The following OSBP2 variants were observed in gnomAD, a reference collection of about 807,000 sequenced individuals.
OSBP2 encodes oxysterol-binding protein 2.
In OSBP2, 66 loss-of-function variants were observed where a neutral mutation model predicts 96.0. The ratio of observed to expected loss-of-function variants is 0.69; its 90% CI spans 0.56 to 0.84. The LOEUF is 0.84. Ranked by LOEUF, OSBP2 falls within the 40% of genes least tolerant of loss-of-function variation. The pLI is 0.00. For synonymous variants in OSBP2, 525 were observed against 520.9 expected (o/e 1.01, Z -0.11); for missense variants, 1,038 against 1,222.7 (o/e 0.85, Z 2.25).
rs1474230257 is a variant in OSBP2 at position 30,694,951 on chromosome 22, CGGCCGCTCCCGCG to C, written c.46_58del (p.Arg16SerfsTer20). 1 of 1,477,294 alleles carries C rather than the reference CGGCCGCTCCCGCG, an allele frequency of 6.8e-7. No homozygotes were observed. Among genetic ancestry groups the C allele is most frequent in the Non-Finnish European group, 8.9e-7 (1 of 1,122,354 alleles). The allele number at this position is 1,477,294 out of a possible 1,614,324, so 91.5% of individuals were successfully genotyped here. A position where few individuals can be genotyped will look rare whatever the true frequency, so the allele number is the denominator to read the frequency against. On this transcript the variant is annotated frameshift_variant, in exon 1 of 14. Coordinates refer to ENST00000332585, the MANE Select transcript of OSBP2 (RefSeq NM_030758.4). LOFTEE classifies it high-confidence loss of function. ...CTCCGAGCCGAGGCGGCGGCTGTGG[CGGCCGCTCCCGCG>C]GGCTCTCGTCGCTGTTCACGGTTGT... is the stretch of plus-strand genomic sequence containing the variant.
chr22:30,896,603 T>C (rs1180226082), intron 12 of OSBP2, among the ~76,000 whole-genome samples: 1 of 149,990 alleles, frequency 6.7e-6, no homozygotes, highest in Non-Finnish European at 1.5e-5. Flanking sequence ...TAAATATAAA[T>C]AGATGAAGCT....
chr22:30,756,897 G>A (rs181256688), intron 2 of OSBP2, among the ~76,000 whole-genome samples: 163 of 152,128 alleles, frequency 1.1e-3, no homozygotes, highest in African/African-American at 3.8e-3. Context: ...CTGAGCACAC[G>A]TACACATGCT....
intron 12 of OSBP2, among the ~76,000 whole-genome samples, chr22:30,904,086 C>T (rs1329415237): frequency 6.6e-6 from 1 of 152,202 alleles, no homozygotes; most frequent in Non-Finnish European, 1.5e-5. Flanking sequence ...TCCTTCAGTA[C>T]CCAAATCCCA....
Position 30,797,098 on chromosome 22 carries a change from A to AT in OSBP2, c.853+55732dup, listed in dbSNP as rs1205283294. ...CCTCATATAAGTGGAATCATATGGT[A>AT]TTTATCTTTTTGTGTCTGATCTATT... On this transcript the variant is annotated intron_variant, in intron 2 of 13. Coordinates refer to ENST00000332585, the MANE Select transcript of OSBP2 (RefSeq NM_030758.4). 1.8e-4 allele frequency among the ~76,000 whole-genome samples: 27 copies of AT among 152,174 alleles called. 4 individuals are homozygous for AT. The highest frequency in any genetic ancestry group is 1.5e-3 in the Admixed American group (23 of 15,286).
chr22:30,729,869 G>A (rs560431622), intron 1 of OSBP2, among the ~76,000 whole-genome samples: 1 of 151,994 alleles, frequency 6.6e-6, no homozygotes, highest in Non-Finnish European at 1.5e-5. Context: ...CCAGGCTCTC[G>A]TGGACTTCAG....
intron 2 of OSBP2, among the ~76,000 whole-genome samples, chr22:30,757,188 T>C (rs2090152092): frequency 6.6e-6 from 1 of 152,146 alleles, no homozygotes; most frequent in Non-Finnish European, 1.5e-5. Flanking sequence ...TTTTCACTGC[T>C]GCCTCCTGCC....
rs1352275709 is a variant in OSBP2, at chr22:30,870,652, C to T, written c.1077C>T (p.Leu359=). The T allele has an allele frequency of 6.2e-7, 1 of 1,613,750 alleles. No homozygotes were observed. Among genetic ancestry groups the T allele is most frequent in the African/African-American group, 1.3e-5 (1 of 74,918 alleles). Residue 359 remains leucine (L), a synonymous_variant, in exon 3 of 14, where the codon CTC becomes CTT. Coordinates refer to ENST00000332585, the MANE Select transcript of OSBP2 (RefSeq NM_030758.4). This position sits in a 1 kb window ranked among gnomAD's most constrained non-coding sequence, Gnocchi z 4.1. ...AGGTGGTGAATGAGCGGGCCACCCTCTTCCGCATCACATCCAATGCTATGA... is the reference window on the plus strand; with the variant it reads ...AGGTGGTGAATGAGCGGGCCACCCTTTTCCGCATCACATCCAATGCTATGA... The part of the protein sequence containing the change: ...KLKVVNERAT[L]FRITSNAMIN...
intron 1 of OSBP2, among the ~76,000 whole-genome samples, chr22:30,701,627 G>C (rs111477046): frequency 6.6e-6 from 1 of 152,130 alleles, no homozygotes; most frequent in African/African-American, 2.4e-5. Context: ...ACAGGCGTGA[G>C]CCACCACGCC....
intron 2 of OSBP2, among the ~76,000 whole-genome samples, chr22:30,784,251 T>A (rs1165319688): frequency 6.6e-6 from 1 of 151,960 alleles, no homozygotes; most frequent in Admixed American, 6.6e-5. Context: ...TTTATTTATT[T>A]ATTTATTAAT....
chr22:30,741,148 T>C lies in OSBP2; in HGVS notation c.645-13T>C. On this transcript the variant is annotated splice_polypyrimidine_tract_variant and intron_variant, in intron 1 of 13. Transcript: ENST00000332585. ...TAGGAGCCTCACCCCATTCCTTCTCTTACATCCTACAGAAATCAGGGTGAA... is the reference window on the plus strand; with the variant it reads ...TAGGAGCCTCACCCCATTCCTTCTCCTACATCCTACAGAAATCAGGGTGAA... The C allele has an allele frequency of 6.2e-7, 1 of 1,608,614 alleles. No individual in the cohort carries two copies. The highest frequency in any genetic ancestry group is 8.5e-7 in the Non-Finnish European group (1 of 1,175,308).
At chr22:30,878,786 T>C (rs1216611395) in intron 3 of OSBP2, among the ~76,000 whole-genome samples, 2 of 152,102 alleles carry the variant, frequency 1.3e-5, no homozygotes, top group African/African-American at 4.8e-5. Context: ...ATGGGGTGCC[T>C]GCGACATCCT....
At chr22:30,764,133 CAG>C in intron 2 of OSBP2, 1 of 578,448 alleles carries the variant, frequency 1.7e-6, no homozygotes, top group Non-Finnish European at 2.2e-6. Context: ...CCTAGCGCCT[CAG>C]GGGCTCCCCG....
At chr22:30,766,984 C>T (rs1357944463) in intron 2 of OSBP2, among the ~76,000 whole-genome samples, 6 of 151,696 alleles carry the variant, frequency 4.0e-5, no homozygotes, top group Non-Finnish European at 7.4e-5. Context: ...GCTCCGTAAA[C>T]GTGTTGATTG....
intron 2 of OSBP2, among the ~76,000 whole-genome samples, chr22:30,861,763 G>C (rs1414046639): frequency 6.6e-6 from 1 of 152,114 alleles, no homozygotes; most frequent in Non-Finnish European, 1.5e-5. Context: ...TTATCTTTCT[G>C]GGTTCCCCAA....
At chr22:30,905,765 G>GGGGA in intron 12 of OSBP2, 72 bp from the exon 13 acceptor site, 1 of 1,583,084 alleles carries the variant, frequency 6.3e-7, no homozygotes, top group Non-Finnish European at 8.6e-7. Context: ...CCGCCAGGCA[G>GGGGA]GGGAGGGCGG....
At chr22:30,743,135 G>T (rs921247804) in intron 2 of OSBP2, among the ~76,000 whole-genome samples, 2 of 152,230 alleles carry the variant, frequency 1.3e-5, no homozygotes, top group Non-Finnish European at 2.9e-5. Flanking sequence ...TGAGAAGGGG[G>T]CACAGCCCCT....
intron 2 of OSBP2, among the ~76,000 whole-genome samples, chr22:30,848,069 G>T (rs2038907513): frequency 6.6e-6 from 1 of 151,984 alleles, no homozygotes; most frequent in African/African-American, 2.4e-5. Flanking sequence ...ATGTCTTAAA[G>T]GTTTTTTCCA....
At position 30,740,063 on chromosome 22, in the gene OSBP2, T is replaced by C. The variant is rs140562357; in HGVS notation, c.645-1098T>C. Among the ~76,000 whole-genome samples, 201 of 152,280 alleles carry C rather than the reference T, an allele frequency of 1.3e-3. 1 individual carries two copies. Among genetic ancestry groups the C allele is most frequent in the African/African-American group, 4.7e-3 (196 of 41,570 alleles). ...ATTTCACCATGTTGGCCAGCTGGTC[T>C]TGAACTCCTGACCTCGGGTGATCTG... On this transcript the variant is annotated intron_variant, in intron 1 of 13. Transcript: ENST00000332585.
intron 2 of OSBP2, among the ~76,000 whole-genome samples, chr22:30,835,716 TA>T (rs2038615916): frequency 1.3e-5 from 2 of 148,376 alleles, no homozygotes; most frequent in Admixed American, 1.4e-4. Context: ...AATATGTAGT[TA>T]CTTTTTTTTT....
Sources: gnomAD v4.1 joint callset for allele counts (sites outside exome capture counted in the v4.1 genomes callset) on GRCh38, gnomAD v4.1.1 for gene constraint, Gnocchi (gnomAD v3.1) non-coding constraint, MANE v1.5 for transcripts, NCBI Gene and HGNC (gene_info 2026-07-23, HGNC 2026-07-21) for gene names.